Variants in SLC25A26 observed in about 807,000 individuals in gnomAD.
SLC25A26 encodes solute carrier family 25 member 26, also known as mitochondrial S-adenosylmethionine carrier protein.
Under a neutral mutation model 37.8 loss-of-function variants are expected in SLC25A26, and 36 were observed. The ratio of observed to expected loss-of-function variants is 0.95; its 90% CI spans 0.73 to 1.26. The LOEUF is 1.26. Ranked by LOEUF, SLC25A26 falls within the 50% of genes most tolerant of loss-of-function variation. The pLI, the probability that SLC25A26 is intolerant of heterozygous loss-of-function variation, is 0.00. For synonymous variants in SLC25A26, 129 were observed against 122.5 expected, an observed-to-expected ratio of 1.05 and a Z score of -0.35; for missense variants, 390 against 331.1, an observed-to-expected ratio of 1.18 and a Z score of -1.38.
At chr3:66,279,253 C>A (rs2074257170) in intron 5 of SLC25A26, among the ~76,000 whole-genome samples, 1 of 152,072 alleles carries the variant, frequency 6.6e-6, no homozygotes, top group Non-Finnish European at 1.5e-5. Context: ...TGGAATCTTT[C>A]ATTCTCCTGT....
At chr3:66,260,405 G>A (rs898495964) in intron 3 of SLC25A26, among the ~76,000 whole-genome samples, 41 of 152,280 alleles carry the variant, frequency 2.7e-4, no homozygotes, top group African/African-American at 9.4e-4. Context: ...TTATACATAA[G>A]AAGCATTCAA....
At chr3:66,335,480 C>T (rs1232420938) in intron 5 of SLC25A26, among the ~76,000 whole-genome samples, 7 of 152,186 alleles carry the variant, frequency 4.6e-5, no homozygotes, top group Admixed American at 4.6e-4. Flanking sequence ...TCTCAACACA[C>T]TGTTCTAACA....
intron 6 of SLC25A26, among the ~76,000 whole-genome samples, chr3:66,351,095 G>C (rs1401537661): frequency 6.6e-6 from 1 of 152,084 alleles, no homozygotes; most frequent in Admixed American, 6.6e-5. Context: ...CTCTGAGCTG[G>C]ATATGGTTGC....
chr3:66,257,046 T>C (rs2073332208), intron 3 of SLC25A26, among the ~76,000 whole-genome samples: 1 of 152,210 alleles, frequency 6.6e-6, no homozygotes, highest in African/African-American at 2.4e-5. Flanking sequence ...GTGCATACCA[T>C]CTTCTTGCTG....
At chr3:66,150,042 C>G (rs1170346867) in intron 1 of SLC25A26, among the ~76,000 whole-genome samples, 1 of 152,050 alleles carries the variant, frequency 6.6e-6, no homozygotes. Flanking sequence ...TTCATAGGCT[C>G]CTAATGCATG....
intron 5 of SLC25A26, chr3:66,304,333 A>G (rs1021361418): frequency 1.7e-5 from 7 of 421,588 alleles, no homozygotes; most frequent in Non-Finnish European, 3.3e-5. Flanking sequence ...TTGATTTAAA[A>G]AGATTCTGGA....
chr3:66,236,831 G>A, intron 2 of SLC25A26, 131 bp downstream of exon 2: 1 of 647,400 alleles, frequency 1.5e-6, no homozygotes, highest in Non-Finnish European at 2.3e-6. Context: ...TTAACCTGGT[G>A]TCATTATTAT....
chr3:66,192,093 G>T (rs1271586462), intron 1 of SLC25A26, among the ~76,000 whole-genome samples: 1 of 151,802 alleles, frequency 6.6e-6, no homozygotes, highest in Non-Finnish European at 1.5e-5. Flanking sequence ...GAGGCAGGCA[G>T]ATCACGAGGT....
chr3:66,182,719 G>C (rs907277639), intron 1 of SLC25A26, among the ~76,000 whole-genome samples: 21 of 35,900 alleles, frequency 5.8e-4, no homozygotes, highest in Non-Finnish European at 9.2e-4. Flanking sequence ...TGGGCGGCGG[G>C]GGGGGGGGGT....
At chr3:66,297,591 G>A (rs1233851272) in intron 5 of SLC25A26, among the ~76,000 whole-genome samples, 1 of 152,152 alleles carries the variant, frequency 6.6e-6, no homozygotes, top group Non-Finnish European at 1.5e-5. Flanking sequence ...TCTGGGTATT[G>A]ATTTCCTTTT....
intron 5 of SLC25A26, among the ~76,000 whole-genome samples, chr3:66,290,752 C>T (rs766124895): frequency 2.0e-5 from 3 of 152,202 alleles, no homozygotes; most frequent in Middle Eastern, 3.4e-3. Flanking sequence ...TCATGTTCAT[C>T]GGGGTTATTG....
chr3:66,333,568 G>A (rs779816048), intron 5 of SLC25A26, among the ~76,000 whole-genome samples: 5 of 152,138 alleles, frequency 3.3e-5, no homozygotes, highest in Admixed American at 6.5e-5. Context: ...TTGATTTGGG[G>A]TTTATTCCCT....
At chr3:66,312,254 G>A (rs527505531) in intron 5 of SLC25A26, among the ~76,000 whole-genome samples, 12 of 152,264 alleles carry the variant, frequency 7.9e-5, no homozygotes, top group South Asian at 2.1e-4. Flanking sequence ...TGCCCAGCCC[G>A]AACTTCGCCG....
rs780186450 is a variant in SLC25A26 at position 66,341,126 on chromosome 3, G to A, written c.454-5238G>A. Among the ~76,000 whole-genome samples the A allele has an allele frequency of 8.5e-5, 13 of 152,204 alleles. No homozygotes were observed. The Middle Eastern group carries it at 0.01, about 119-fold the overall frequency. ...ACCTTCAACACAATGTTGAATAGAAGTGGTGAAAATAAACATCCTTACCTT... is the reference window on the plus strand; with the variant it reads ...ACCTTCAACACAATGTTGAATAGAAATGGTGAAAATAAACATCCTTACCTT... On this transcript the variant is annotated intron_variant, in intron 5 of 9. Coordinates refer to ENST00000354883, the MANE Select transcript of SLC25A26 (RefSeq NM_001379210.1).
intron 1 of SLC25A26, among the ~76,000 whole-genome samples, chr3:66,222,031 A>G (rs1220530536): frequency 1.3e-5 from 2 of 152,026 alleles, no homozygotes; most frequent in Admixed American, 6.6e-5. Flanking sequence ...GACTGTTGGG[A>G]TAAATAACAG....
chr3:66,224,246 C>G (rs1346029380), intron 1 of SLC25A26, among the ~76,000 whole-genome samples: 1 of 152,174 alleles, frequency 6.6e-6, no homozygotes, highest in Non-Finnish European at 1.5e-5. Context: ...TTAGTCTGTT[C>G]TCATGCTGCT....
chr3:66,357,298 C>T (rs1264515501), intron 6 of SLC25A26, among the ~76,000 whole-genome samples: 1 of 152,120 alleles, frequency 6.6e-6, no homozygotes, highest in Non-Finnish European at 1.5e-5. Flanking sequence ...CCCATAGTCC[C>T]AGTTACTCAG....
chr3:66,353,574 A>C (rs1183807582), intron 6 of SLC25A26, among the ~76,000 whole-genome samples: 3 of 152,356 alleles, frequency 2.0e-5, no homozygotes, highest in Middle Eastern at 6.8e-3. Flanking sequence ...TCAAAAGTTG[A>C]TAAAAAGTTG....
chr3:66,373,393 A>C (rs1049255447), intron 9 of SLC25A26, among the ~76,000 whole-genome samples: 2 of 152,220 alleles, frequency 1.3e-5, no homozygotes, highest in African/African-American at 4.8e-5. Context: ...TCATCTGTTG[A>C]AACCATAAAC....
Sources: allele counts gnomAD v4.1 joint callset (sites outside exome capture counted in the v4.1 genomes callset), GRCh38; gene constraint gnomAD v4.1.1; transcripts MANE v1.5; gene names NCBI Gene and HGNC (gene_info 2026-07-23, HGNC 2026-07-21).